Variants in LRPAP1 observed in about 807,000 individuals in gnomAD.
The protein encoded by LRPAP1 is alpha-2-macroglobulin receptor-associated protein.
In LRPAP1, 41 loss-of-function variants were observed where a neutral mutation model predicts 39.9. That is an observed-to-expected ratio of 1.03 (90% CI 0.80 to 1.33). The LOEUF is 1.33. LRPAP1 is among the 40% of genes most tolerant of loss of function. The probability of loss-of-function intolerance (pLI) is 0.00; values close to 1 mark genes in which losing one functional copy is unlikely to be tolerated. For synonymous variants in LRPAP1, 263 were observed against 212.7 expected (o/e 1.24, Z -2.06); for missense variants, 565 against 482.3 (o/e 1.17, Z -1.61).
At position 3,508,947 on chromosome 4, in the gene LRPAP1, C is replaced by T. The variant is rs1231724542; in HGVS notation, c.*4027G>A. 2 of 152,146 alleles carry T rather than the reference C, an allele frequency of 1.3e-5. No individual in the cohort carries two copies. Among genetic ancestry groups the T allele is most frequent in the Non-Finnish European group, 2.9e-5 (2 of 68,050 alleles). 9.4% of individuals were successfully genotyped at this position (152,146 alleles called of 1,614,324 possible). On this transcript the variant is annotated 3_prime_UTR_variant, in exon 8 of 8. Coordinates refer to ENST00000650182, the MANE Select transcript of LRPAP1 (RefSeq NM_002337.4). The stretch of plus-strand genomic sequence containing the variant: ...AAGGGGAAGCAAAGCCACTGTCAGA[C>T]AGAGGACACGCGTGTGCACACGGAA...
At position 3,514,734 on chromosome 4, in the gene LRPAP1, C is replaced by A; in HGVS notation, c.1011+18G>T. The A allele has an allele frequency of 1.9e-6, 3 of 1,583,976 alleles. No individual in the cohort carries two copies. Among genetic ancestry groups the A allele is most frequent in the South Asian group, 2.2e-5 (2 of 90,028 alleles). ...GCAGGGGAACTGTGGCCTCCCCGGTCCTGGAACCCGTGCGCACCGTGTAGC... is the reference window on the plus strand; with the variant it reads ...GCAGGGGAACTGTGGCCTCCCCGGTACTGGAACCCGTGCGCACCGTGTAGC... On this transcript the variant is annotated intron_variant, in intron 7 of 7. Transcript: ENST00000650182.
At chr4:3,525,077 G>A (rs769593107) in intron 1 of LRPAP1, 26 bp from the exon 2 acceptor site, 3 of 1,613,170 alleles carry the variant, frequency 1.9e-6, no homozygotes, top group Admixed American at 1.7e-5. Context: ...AGGAGCCTGT[G>A]AGCCACGAGC....
Position 3,509,759 on chromosome 4 carries a change from G to A in LRPAP1, c.*3215C>T, listed in dbSNP as rs1452769331. The A allele has an allele frequency of 2.5e-5, 1 of 39,634 alleles. No homozygotes were observed. The allele number at this position is 39,634 out of a possible 1,614,324, so 2.5% of individuals were successfully genotyped here. ...ACTGGAGTCACACACGGCAGTCAAC[G>A]CGTGGACACTGGAGACTGCTGAGAC... is the stretch of plus-strand genomic sequence containing the variant. On this transcript the variant is annotated 3_prime_UTR_variant, in exon 8 of 8. Transcript: ENST00000650182.
Position 3,518,895 on chromosome 4 carries a change from G to C in LRPAP1, c.568C>G (p.Leu190Val). Residue 190 changes from leucine (L) to valine (V), a missense_variant, in exon 4 of 8, where the codon CTG becomes GTG. By Grantham distance (32) the Leu-to-Val change is conservative. Transcript: ENST00000650182. ...KEKVHEYNVL[L>V]ETLSRTEEIH... ...CCTTCGGTCCTGCTCAGGGTCTCCA[G>C]CAGGACGTTGTACTCGTGAACTTTC... 6.2e-7 allele frequency: 1 copy of C among 1,612,196 alleles called. No individual in the cohort carries two copies. Among genetic ancestry groups the C allele is most frequent in the Non-Finnish European group, 8.5e-7 (1 of 1,179,536 alleles).
At position 3,506,179 on chromosome 4, in the gene LRPAP1, T is replaced by C. The variant is rs891932571; in HGVS notation, c.*6795A>G. On this transcript the variant is annotated 3_prime_UTR_variant, in exon 8 of 8. Transcript: ENST00000650182. ...CCAGCTTCAAGTGATTCTCGTGCCT[T>C]AGGCTCCCGAGTAGCTGGGATTATA... Among the ~76,000 whole-genome samples, 1 of 151,978 alleles carries C rather than the reference T, an allele frequency of 6.6e-6. No individual in the cohort carries two copies. Among genetic ancestry groups the C allele is most frequent in the African/African-American group, 2.4e-5 (1 of 41,352 alleles).
Position 3,504,645 on chromosome 4 carries a change from G to C in LRPAP1, c.*8329C>G, listed in dbSNP as rs573784533. On this transcript the variant is annotated 3_prime_UTR_variant, in exon 8 of 8. Transcript: ENST00000650182. ...GGGGCCTGTAATCCCAGCTACTTGC[G>C]AGGCTGAGGCAGGAGAATTTCTTGA... Among the ~76,000 whole-genome samples the C allele has an allele frequency of 5.3e-5, 8 of 151,780 alleles. No homozygotes were observed. The highest frequency in any genetic ancestry group is 1.9e-4 in the African/African-American group (8 of 41,356).
chr4:3,505,054 C>T lies in LRPAP1; in HGVS notation c.*7920G>A, dbSNP rs940299300. Reference sequence around the variant, plus strand: ...AGACTTTAGGGATGGTTAGTGATACCAGAGGCTAAAATAATCATGTGCCCT... The same window carrying T: ...AGACTTTAGGGATGGTTAGTGATACTAGAGGCTAAAATAATCATGTGCCCT... On this transcript the variant is annotated 3_prime_UTR_variant, in exon 8 of 8. Transcript: ENST00000650182. Among the ~76,000 whole-genome samples, 2 of 152,222 alleles carry T rather than the reference C, an allele frequency of 1.3e-5. No individual in the cohort carries two copies. The highest frequency in any genetic ancestry group is 2.9e-5 in the Non-Finnish European group (2 of 68,028).
chr4:3,528,627 C>T (rs1730148690), intron 1 of LRPAP1, among the ~76,000 whole-genome samples: 1 of 152,206 alleles, frequency 6.6e-6, no homozygotes, highest in Admixed American at 6.5e-5. Flanking sequence ...ACCTGAGTGC[C>T]CGCGCCAGAC....
rs368798784 is a variant in LRPAP1 at position 3,531,557 on chromosome 4, C to T, written c.204+652G>A. ...CCAGGGTCACGCACCAATTAGGAAG[C>T]TGTTGTCCCGGGGGGCCCCACCGGC... On this transcript the variant is annotated intron_variant, in intron 1 of 7. Transcript: ENST00000650182. Among the ~76,000 whole-genome samples, 3 of 152,348 alleles carry T rather than the reference C, an allele frequency of 2.0e-5. No individual in the cohort carries two copies. The East Asian group carries it at 5.8e-4, about 29-fold the overall frequency.
chr4:3,531,802 T>C (rs1002714781), intron 1 of LRPAP1, among the ~76,000 whole-genome samples: 1 of 152,234 alleles, frequency 6.6e-6, no homozygotes, highest in Non-Finnish European at 1.5e-5. Flanking sequence ...CCTGGACACG[T>C]CTTTCTACCC....
rs1001264120 is a variant in LRPAP1 at position 3,505,844 on chromosome 4, G to C, written c.*7130C>G. ...GGAAGCCATCAAGTTCCTGGGTAGA[G>C]ATGACCTTTCAGATGGATGCTGACC... is the stretch of plus-strand genomic sequence containing the variant. On this transcript the variant is annotated 3_prime_UTR_variant, in exon 8 of 8. Coordinates refer to ENST00000650182, the MANE Select transcript of LRPAP1 (RefSeq NM_002337.4). 1.3e-5 allele frequency among the ~76,000 whole-genome samples: 2 copies of C among 152,232 alleles called. No individual in the cohort carries two copies. Among genetic ancestry groups the C allele is most frequent in the Non-Finnish European group, 2.9e-5 (2 of 68,038 alleles).
intron 6 of LRPAP1, 27 bp downstream of exon 6, chr4:3,516,089 T>C (rs1560254194): frequency 1.3e-6 from 2 of 1,555,552 alleles, no homozygotes; most frequent in Admixed American, 1.9e-5. Flanking sequence ...AGGAGAGAGC[T>C]AGAAGGAGAG....
chr4:3,517,200 G>C (rs372179008), intron 5 of LRPAP1, among the ~76,000 whole-genome samples: 1 of 152,252 alleles, frequency 6.6e-6, no homozygotes, highest in Non-Finnish European at 1.5e-5. Flanking sequence ...GGGCACTCAG[G>C]TGACAGCAGC....
chr4:3,531,319 C>A (rs1467833495), intron 1 of LRPAP1, among the ~76,000 whole-genome samples: 1 of 152,160 alleles, frequency 6.6e-6, no homozygotes, highest in Non-Finnish European at 1.5e-5. Flanking sequence ...TCCAAAAGTT[C>A]CTTCTTATTC....
chr4:3,522,216 G>T (rs184570529), intron 2 of LRPAP1, among the ~76,000 whole-genome samples: 1 of 152,202 alleles, frequency 6.6e-6, no homozygotes, highest in Non-Finnish European at 1.5e-5. Context: ...AGGAGGAGAG[G>T]GGGAGACGGG....
At chr4:3,513,404 C>A (rs966711661) in intron 7 of LRPAP1, among the ~76,000 whole-genome samples, 3 of 152,196 alleles carry the variant, frequency 2.0e-5, no homozygotes, top group Admixed American at 2.0e-4. Flanking sequence ...GCCTCCCAGG[C>A]TCAAGTGATC....
chr4:3,524,844 TG>T, intron 2 of LRPAP1, 62 bp downstream of exon 2: 1 of 1,572,582 alleles, frequency 6.4e-7, no homozygotes, highest in Non-Finnish European at 8.7e-7. Context: ...TCCAAAACAC[TG>T]CCGCTCTCAA....
At chr4:3,518,727 C>T (rs904568495) in intron 4 of LRPAP1, 144 bp downstream of exon 4, 10 of 586,940 alleles carry the variant, frequency 1.7e-5, no homozygotes, top group Admixed American at 1.3e-4. Context: ...CCTGGGAGGG[C>T]GTCTGGTGCC....
rs747560141 is a variant in LRPAP1 at position 3,514,792 on chromosome 4, T to C, written c.971A>G (p.His324Arg). 3.1e-6 allele frequency: 5 copies of C among 1,612,730 alleles called. No homozygotes were observed. In the Admixed American group the frequency reaches 8.3e-5, roughly 27 times the overall value. The part of the protein sequence containing the change: ...GERVSRSREK[H>R]ALLEGRTKEL... ...CTTGGTCCGCCCCTCCAGCAGGGCG[T>C]GCTTCTCGCGGCTGCGGCTCACACG... Residue 324 changes from histidine to arginine, a missense_variant, in exon 7 of 8, where the codon CAC becomes CGC. By Grantham distance (29) the His-to-Arg change is conservative. Transcript: ENST00000650182.
Sources: allele counts gnomAD v4.1 joint callset (sites outside exome capture counted in the v4.1 genomes callset), GRCh38; gene constraint gnomAD v4.1.1; transcripts MANE v1.5; gene names NCBI Gene and HGNC (gene_info 2026-07-23, HGNC 2026-07-21).